Variants in COL5A1 observed in about 807,000 individuals in gnomAD.
The protein encoded by COL5A1 is collagen alpha-1(V) chain.
In COL5A1, 16 loss-of-function variants were observed where a neutral mutation model predicts 263.7. The ratio of observed to expected loss-of-function variants is 0.06; its 90% CI spans 0.04 to 0.09. The LOEUF (loss-of-function observed/expected upper bound fraction) is 0.09. Among genes scored for constraint, COL5A1 ranks in the 10% least tolerant of loss-of-function variants. COL5A1 has a pLI of 1.00. For missense variants in COL5A1, 2,036 were observed against 2,540.5 expected, an observed-to-expected ratio of 0.80 and a Z score of 4.27; for synonymous variants, 1,012 against 1,004.5, an observed-to-expected ratio of 1.01 and a Z score of -0.14.
At chr9:134,751,067 C>T (rs145591972) in intron 13 of COL5A1, among the ~76,000 whole-genome samples, 185 bp downstream of exon 13, 15 of 152,022 alleles carry the variant, frequency 9.9e-5, no homozygotes, top group Admixed American at 2.6e-4. Context: ...GTAGGGACCC[C>T]GAGAGCATGT....
chr9:134,787,538 G>A (rs1399351593), intron 31 of COL5A1, among the ~76,000 whole-genome samples: 2 of 152,196 alleles, frequency 1.3e-5, no homozygotes, highest in Non-Finnish European at 2.9e-5. Flanking sequence ...GCAGCTGAGC[G>A]ACCTCACTGC....
chr9:134,810,299 A>G lies in COL5A1; in HGVS notation c.3519A>G (p.Lys1173=). 2 of 1,614,156 alleles carry G rather than the reference A, an allele frequency of 1.2e-6. No individual in the cohort carries two copies. The highest frequency in any genetic ancestry group is 1.7e-6 in the Non-Finnish European group (2 of 1,180,006). Residue 1173 remains lysine (K), a synonymous_variant, in exon 44 of 66, where the codon AAA becomes AAG. Transcript: ENST00000371817. ...EPGQKGSKGD[K]GEQGPPGPTG... Reference sequence around the variant, plus strand: ...GGCAGAAAGGAAGCAAGGGGGACAAAGGAGAACAGGTAAGTATTGGCACGG... The same window carrying G: ...GGCAGAAAGGAAGCAAGGGGGACAAGGGAGAACAGGTAAGTATTGGCACGG...
chr9:134,703,706 C>T (rs7871368), intron 4 of COL5A1, among the ~76,000 whole-genome samples: 80,783 of 145,692 alleles, frequency 0.55, 22,488 homozygotes, highest in Admixed American at 0.68. Flanking sequence ...GGCACGATCT[C>T]GGCTCACTGC....
At chr9:134,695,381 G>T (rs938563252) in intron 2 of COL5A1, among the ~76,000 whole-genome samples, 4 of 152,164 alleles carry the variant, frequency 2.6e-5, no homozygotes, top group Admixed American at 2.6e-4. Context: ...GTACCTTCCT[G>T]CCAGAGAGCA....
In COL5A1 at chr9:134,803,373, G is replaced by A. The variant is rs148666902; in HGVS notation, c.3114+378G>A. 3.7e-3 allele frequency among the ~76,000 whole-genome samples: 560 copies of A among 152,176 alleles called. 2 individuals are homozygous for A. Among genetic ancestry groups the A allele is most frequent in the Middle Eastern group, 0.031 (9 of 294 alleles). ...ACCCCAGCCAGGTGCAGTGGCTCACGCCTGTAATCCCAGCACTTTTGGAGG... is the reference window on the plus strand; with the variant it reads ...ACCCCAGCCAGGTGCAGTGGCTCACACCTGTAATCCCAGCACTTTTGGAGG... On this transcript the variant is annotated intron_variant, in intron 39 of 65. Transcript: ENST00000371817.
At chr9:134,744,549 GCA>G (rs758445182) in intron 11 of COL5A1, among the ~76,000 whole-genome samples, 50 of 138,358 alleles carry the variant, frequency 3.6e-4, no homozygotes, top group African/African-American at 8.2e-4. Context: ...ACCCACACAT[GCA>G]CACACATCCA....
intron 59 of COL5A1, 50 bp from the exon 60 acceptor site, chr9:134,822,948 G>A: frequency 6.2e-7 from 1 of 1,611,778 alleles, no homozygotes; most frequent in Non-Finnish European, 8.5e-7. Flanking sequence ...GCACGGTGGG[G>A]CTGGAGCTGA....
At chr9:134,650,976 C>T (rs1045694723) in intron 1 of COL5A1, among the ~76,000 whole-genome samples, 6 of 152,354 alleles carry the variant, frequency 3.9e-5, no homozygotes, top group East Asian at 3.9e-4. Flanking sequence ...GGTGCAGGTC[C>T]GTACAGTCAC....
At chr9:134,744,735 TCACACACCTGCA>T (rs1009362595) in intron 11 of COL5A1, among the ~76,000 whole-genome samples, 1 of 146,670 alleles carries the variant, frequency 6.8e-6, no homozygotes, top group Non-Finnish European at 1.5e-5. Context: ...ACACATGCAC[TCACACACCTGCA>T]CACACATTCA....
Position 134,750,385 on chromosome 9 carries a change from G to A in COL5A1, c.1495-157G>A, listed in dbSNP as rs542680985. On this transcript the variant is annotated intron_variant, in intron 11 of 65. Transcript: ENST00000371817. ...CCGTGCCCCTCCCTTCTCCGGGTGG[G>A]GGTTTCTGAAACATTCCTGCCACGG... 1.6e-3 allele frequency among the ~76,000 whole-genome samples: 245 copies of A among 152,256 alleles called. 2 individuals carry two copies. The highest frequency in any genetic ancestry group is 5.3e-3 in the African/African-American group (220 of 41,544).
chr9:134,757,944 G>A lies in COL5A1; in HGVS notation c.1882-299G>A, dbSNP rs541637962. On this transcript the variant is annotated intron_variant, in intron 17 of 65. Coordinates refer to ENST00000371817, the MANE Select transcript of COL5A1 (RefSeq NM_000093.5). The surrounding 1 kb of genome is among the most constrained non-coding windows in gnomAD (Gnocchi z 6.2). ...ATCAGCAGCAGACACTCACACACACGGGAAACTGCAGCGGTCGCTGAAATA... is the reference window on the plus strand; with the variant it reads ...ATCAGCAGCAGACACTCACACACACAGGAAACTGCAGCGGTCGCTGAAATA... Among the ~76,000 whole-genome samples, 23 of 152,272 alleles carry A rather than the reference G, an allele frequency of 1.5e-4. No homozygotes were observed. The highest frequency in any genetic ancestry group is 4.3e-4 in the African/African-American group (18 of 41,566).
intron 65 of COL5A1, among the ~76,000 whole-genome samples, chr9:134,839,946 C>G (rs1040893789): frequency 6.6e-6 from 1 of 152,256 alleles, no homozygotes; most frequent in African/African-American, 2.4e-5. Flanking sequence ...TTCTGCAGGG[C>G]TGAGCTGGCC....
At chr9:134,832,596 C>G (rs1839683302) in intron 64 of COL5A1, 1 of 152,248 alleles carries the variant, frequency 6.6e-6, no homozygotes, top group African/African-American at 2.4e-5. Flanking sequence ...CCCATGGGCA[C>G]TGGGGGCTTC....
intron 1 of COL5A1, among the ~76,000 whole-genome samples, chr9:134,685,855 ATCC>A (rs1243347666): frequency 1.4e-5 from 2 of 139,588 alleles, no homozygotes; most frequent in African/African-American, 5.5e-5. Context: ...ATCCATCATC[ATCC>A]ATCCATCGTC....
chr9:134,650,534 G>C (rs1831642573), intron 1 of COL5A1, among the ~76,000 whole-genome samples: 1 of 152,254 alleles, frequency 6.6e-6, no homozygotes, highest in Non-Finnish European at 1.5e-5. Context: ...TTCCGCTGCG[G>C]CGGGGGAGTC....
At chr9:134,714,400 G>A (rs1481281089) in intron 4 of COL5A1, among the ~76,000 whole-genome samples, 1 of 150,888 alleles carries the variant, frequency 6.6e-6, no homozygotes, top group Non-Finnish European at 1.5e-5. Context: ...TGGTGGTGGT[G>A]GTAGTGGTGG....
At chr9:134,840,750 G>T (rs1220818744) in intron 65 of COL5A1, among the ~76,000 whole-genome samples, 2 of 152,196 alleles carry the variant, frequency 1.3e-5, no homozygotes, top group Non-Finnish European at 2.9e-5. Flanking sequence ...TCCCCTCTGG[G>T]CTGCAGATAG....
intron 13 of COL5A1, among the ~76,000 whole-genome samples, chr9:134,751,463 G>C (rs927104599): frequency 2.0e-5 from 3 of 152,182 alleles, no homozygotes; most frequent in Admixed American, 6.5e-5. Context: ...GGCTGCCTGG[G>C]CTGGAGCTGG....
intron 27 of COL5A1, among the ~76,000 whole-genome samples, chr9:134,778,665 G>A (rs55774569): frequency 0.13 from 19,527 of 152,280 alleles, 1,425 homozygotes; most frequent in Non-Finnish European, 0.16. Flanking sequence ...TTGCCCTCCC[G>A]GCTGCCTCCG....
Sources: allele counts gnomAD v4.1 joint callset (sites outside exome capture counted in the v4.1 genomes callset), GRCh38; gene constraint gnomAD v4.1.1; non-coding constraint Gnocchi (gnomAD v3.1); transcripts MANE v1.5; gene names NCBI Gene and HGNC (gene_info 2026-07-23, HGNC 2026-07-21).